Variants in SHISA9 observed in about 807,000 individuals in gnomAD.
The protein encoded by SHISA9 is shisa family member 9, also known as protein shisa-9.
In SHISA9, 13 loss-of-function variants were observed where a neutral mutation model predicts 38.0. The ratio of observed to expected loss-of-function variants is 0.34; its 90% CI spans 0.22 to 0.54. SHISA9 has a LOEUF of 0.54. Among genes scored for constraint, SHISA9 ranks in the 20% least tolerant of loss-of-function variants. The probability of loss-of-function intolerance (pLI) is 0.91; values close to 1 mark genes in which losing one functional copy is unlikely to be tolerated. For synonymous variants in SHISA9, 275 were observed against 242.0 expected (o/e 1.14, Z -1.27); for missense variants, 538 against 575.8 (o/e 0.93, Z 0.67).
At chr16:13,013,921 G>A (rs867717488) in intron 2 of SHISA9, among the ~76,000 whole-genome samples, 15 of 152,028 alleles carry the variant, frequency 9.9e-5, no homozygotes, top group African/African-American at 3.1e-4. Context: ...AGTAGAGACG[G>A]GGTTTCACCA....
the SHISA9 span, among the ~76,000 whole-genome samples, chr16:13,558,491 C>A: frequency 1.3e-5 from 2 of 152,088 alleles, no homozygotes; most frequent in African/African-American, 4.8e-5. Flanking sequence ...CTGACCACAA[C>A]ATTTTTATCA....
At chr16:12,951,436 T>C (rs550267531) in intron 2 of SHISA9, among the ~76,000 whole-genome samples, 2 of 152,128 alleles carry the variant, frequency 1.3e-5, no homozygotes, top group Non-Finnish European at 2.9e-5. Flanking sequence ...GACTCCACTC[T>C]GCAGTTGCAG....
chr16:13,369,218 A>T, the SHISA9 span, among the ~76,000 whole-genome samples: 3 of 152,116 alleles, frequency 2.0e-5, no homozygotes, highest in Admixed American at 6.6e-5. Flanking sequence ...TATAGAAAGG[A>T]TATAACATTG....
chr16:13,324,838 A>C, the SHISA9 span, among the ~76,000 whole-genome samples: 1 of 152,298 alleles, frequency 6.6e-6, no homozygotes, highest in Non-Finnish European at 1.5e-5. Flanking sequence ...CAAAGACATA[A>C]ATCAATATGT....
intron 2 of SHISA9, among the ~76,000 whole-genome samples, chr16:13,049,393 T>C (rs1305050952): frequency 2.0e-5 from 3 of 152,200 alleles, no homozygotes; most frequent in Admixed American, 6.5e-5. Flanking sequence ...TGCCTAGCCC[T>C]ATGCTTTTAG....
At chr16:13,478,045 G>T in the SHISA9 span, among the ~76,000 whole-genome samples, 2 of 152,182 alleles carry the variant, frequency 1.3e-5, no homozygotes, top group African/African-American at 2.4e-5. Flanking sequence ...GCTACATTCT[G>T]ATCATGGATC....
intron 2 of SHISA9, among the ~76,000 whole-genome samples, chr16:13,103,074 G>A (rs1283377814): frequency 6.6e-6 from 1 of 152,216 alleles, no homozygotes; most frequent in Admixed American, 6.5e-5. Flanking sequence ...CAGCCTGAGA[G>A]TAGTTGATTC....
rs377609310 is a variant in SHISA9, at chr16:12,992,531, C to CAAAACA, written c.691+75739_691+75744dup. On this transcript the variant is annotated intron_variant, in intron 2 of 4. Coordinates refer to ENST00000558583, the MANE Select transcript of SHISA9 (RefSeq NM_001145204.3). ...TGGGCGACAGAGTAAGACTCTGTCT[C>CAAAACA]AAAACAAAAACAAAAACAAAAACAA... Among the ~76,000 whole-genome samples, 859 of 151,566 alleles carry CAAAACA rather than the reference C, an allele frequency of 5.7e-3. 6 individuals are homozygous for CAAAACA. The highest frequency in any genetic ancestry group is 0.02 in the African/African-American group (819 of 41,210).
intron 2 of SHISA9, among the ~76,000 whole-genome samples, chr16:13,173,976 G>A (rs771504078): frequency 5.3e-5 from 8 of 152,048 alleles, no homozygotes; most frequent in Non-Finnish European, 8.8e-5. Flanking sequence ...CTGAGGAGTC[G>A]GAGTCCTGGC....
chr16:13,109,971 G>C (rs1750382772), intron 2 of SHISA9, among the ~76,000 whole-genome samples: 1 of 152,110 alleles, frequency 6.6e-6, no homozygotes, highest in African/African-American at 2.4e-5. Flanking sequence ...ACTCACTTGT[G>C]AGCCTTTTGT....
intron 2 of SHISA9, chr16:13,197,571 C>T (rs117316823): frequency 3.9e-5 from 6 of 151,988 alleles, no homozygotes; most frequent in Non-Finnish European, 4.4e-5. Context: ...TCTTTGAAGA[C>T]GATTGTTGGA....
At chr16:13,323,571 CTG>C in the SHISA9 span, among the ~76,000 whole-genome samples, 40 of 152,302 alleles carry the variant, frequency 2.6e-4, no homozygotes, top group South Asian at 7.9e-3. Context: ...CTGCTTGAGA[CTG>C]TGTCATCTAT....
At chr16:13,222,792 G>GTATA (rs745719678) in intron 4 of SHISA9, among the ~76,000 whole-genome samples, 62 of 63,574 alleles carry the variant, frequency 9.8e-4, no homozygotes, top group African/African-American at 3.0e-3. Flanking sequence ...GTGTGTGTAT[G>GTATA]TATATATATA....
intron 2 of SHISA9, among the ~76,000 whole-genome samples, chr16:12,978,067 C>G (rs1454503623): frequency 6.6e-6 from 1 of 151,974 alleles, no homozygotes; most frequent in African/African-American, 2.4e-5. Flanking sequence ...TGCAGAGGGA[C>G]TAGTTGGTGC....
chr16:13,248,350 C>G, the SHISA9 span, among the ~76,000 whole-genome samples: 2 of 152,306 alleles, frequency 1.3e-5, no homozygotes, highest in Non-Finnish European at 2.9e-5. Context: ...CCTTTACTGT[C>G]TCCCTTCTCC....
At chr16:13,014,404 G>C (rs1483652030) in intron 2 of SHISA9, among the ~76,000 whole-genome samples, 1 of 152,138 alleles carries the variant, frequency 6.6e-6, no homozygotes, top group African/African-American at 2.4e-5. Flanking sequence ...ACTTGTTAAC[G>C]TCCTCTGATG....
chr16:13,506,664 GAGAA>G, the SHISA9 span, among the ~76,000 whole-genome samples: 2 of 152,228 alleles, frequency 1.3e-5, no homozygotes, highest in African/African-American at 4.8e-5. Flanking sequence ...CGTGAAGTGA[GAGAA>G]AGGGGATTAG....
chr16:13,210,703 T>C (rs1017628204), intron 3 of SHISA9, among the ~76,000 whole-genome samples: 2 of 152,214 alleles, frequency 1.3e-5, no homozygotes, highest in East Asian at 1.9e-4. Flanking sequence ...ACTGAGCTCA[T>C]AAACAGCACA....
intron 2 of SHISA9, among the ~76,000 whole-genome samples, chr16:13,061,565 A>G (rs1428168011): frequency 3.3e-5 from 5 of 152,160 alleles, no homozygotes; most frequent in Non-Finnish European, 7.4e-5. Flanking sequence ...GGAGTGCCCA[A>G]TACTTACATT....
Sources: allele counts gnomAD v4.1 joint callset (sites outside exome capture counted in the v4.1 genomes callset), GRCh38; gene constraint gnomAD v4.1.1; transcripts MANE v1.5; gene names NCBI Gene and HGNC (gene_info 2026-07-23, HGNC 2026-07-21).